The following NDFIP1 variants were observed in gnomAD, a reference collection of about 807,000 sequenced individuals.
The protein encoded by NDFIP1 is Nedd4 family interacting protein 1.
NDFIP1 carries 7 observed loss-of-function variants against 28.8 expected under a neutral mutation model. That is an observed-to-expected ratio of 0.24 (90% CI 0.14 to 0.46). The LOEUF (loss-of-function observed/expected upper bound fraction) is 0.46, where lower values mean the gene tolerates loss of function less well. Among genes scored for constraint, NDFIP1 ranks in the 20% least tolerant of loss-of-function variants. The pLI is 0.99. For missense variants in NDFIP1, 194 were observed against 269.1 expected (o/e 0.72, Z 1.95); for synonymous variants, 92 against 101.0 (o/e 0.91, Z 0.53).
chr5:142,129,899 G>A lies in NDFIP1; in HGVS notation c.64-1909G>A, dbSNP rs144981323. On this transcript the variant is annotated intron_variant, in intron 1 of 7. Transcript: ENST00000253814. The stretch of plus-strand genomic sequence containing the variant: ...GCTCTCCAGCCTGGGCAACAAAAGC[G>A]AAACTACATCTCAAAAAAAAAAAAA... 1.7e-3 allele frequency among the ~76,000 whole-genome samples: 133 copies of A among 80,142 alleles called. 1 individual carries two copies. The highest frequency in any genetic ancestry group is 0.014 in the East Asian group (42 of 3,064). The allele number at this position is 80,142 out of a possible 152,430, so 52.6% of individuals were successfully genotyped here. A position where few individuals can be genotyped will look rare whatever the true frequency, so the allele number is the denominator to read the frequency against.
chr5:142,119,170 A>G (rs1757098034), intron 1 of NDFIP1, among the ~76,000 whole-genome samples: 1 of 152,126 alleles, frequency 6.6e-6, no homozygotes, highest in African/African-American at 2.4e-5. Context: ...TCCACCTCTA[A>G]TTTGTTACCA....
At position 142,151,163 on chromosome 5, in the gene NDFIP1, A is replaced by G. The variant is rs886594658; in HGVS notation, c.*3-568A>G. On this transcript the variant is annotated intron_variant, in intron 7 of 7. Transcript: ENST00000253814. ...TATTATTTTAAGAGAAACATGCCCC[A>G]AATACAATGACTTTTTAGGAAAACT... 2.0e-5 allele frequency among the ~76,000 whole-genome samples: 3 copies of G among 152,228 alleles called. No individual in the cohort carries two copies. In the East Asian group the frequency reaches 5.8e-4, roughly 29 times the overall value.
At chr5:142,125,511 C>T (rs996036731) in intron 1 of NDFIP1, among the ~76,000 whole-genome samples, 12 of 152,018 alleles carry the variant, frequency 7.9e-5, no homozygotes, top group South Asian at 2.1e-4. Flanking sequence ...ACAGGTGTGC[C>T]GCCATGCCTG....
At chr5:142,109,172 G>T (rs1380827939) in intron 1 of NDFIP1, 135 bp downstream of exon 1, 2 of 783,698 alleles carry the variant, frequency 2.6e-6, no homozygotes. Context: ...GCCTGGAGGG[G>T]CGGGTCGGGC....
rs1757468943 is a variant in NDFIP1, at chr5:142,153,529, G to A, written c.*1801G>A. On this transcript the variant is annotated 3_prime_UTR_variant, in exon 8 of 8. Transcript: ENST00000253814. The stretch of plus-strand genomic sequence containing the variant: ...CTCTAACCAGTTTATGGATTATTAT[G>A]AATAATAGTGTAGTGTGTTCTTTTT... 2.5e-6 allele frequency: 1 copy of A among 398,316 alleles called. No individual in the cohort carries two copies. Among genetic ancestry groups the A allele is most frequent in the South Asian group, 1.8e-5 (1 of 54,122 alleles). 24.7% of individuals were successfully genotyped at this position (398,316 alleles called of 1,614,324 possible).
chr5:142,115,347 G>A (rs997738509), intron 1 of NDFIP1, among the ~76,000 whole-genome samples: 6 of 152,104 alleles, frequency 3.9e-5, no homozygotes, highest in African/African-American at 1.2e-4. Flanking sequence ...GCAATGGCGC[G>A]ATCTCGGCTC....
rs1241643137 is a variant in NDFIP1 at position 142,154,124 on chromosome 5, T to G, written c.*2396T>G. On this transcript the variant is annotated 3_prime_UTR_variant, in exon 8 of 8. Transcript: ENST00000253814. ...TTGTCATTTTTCTCTCCCATGTTCT[T>G]TCTCACTTTGATACGTTAATACTGA... 1 of 152,342 alleles carries G rather than the reference T, an allele frequency of 6.6e-6. No individual in the cohort carries two copies. Among genetic ancestry groups the G allele is most frequent in the Non-Finnish European group, 1.5e-5 (1 of 68,018 alleles). 9.4% of individuals were successfully genotyped at this position (152,342 alleles called of 1,614,324 possible).
intron 1 of NDFIP1, among the ~76,000 whole-genome samples, chr5:142,114,139 C>T (rs1757041762): frequency 1.3e-5 from 2 of 152,182 alleles, no homozygotes; most frequent in African/African-American, 2.4e-5. Flanking sequence ...TACTGTTTTC[C>T]ATGGCAGCTT....
chr5:142,144,774 TAGAG>T lies in NDFIP1; in HGVS notation c.*2+100_*2+103del, dbSNP rs368665634. 1.7e-4 allele frequency: 119 copies of T among 697,170 alleles called. 1 individual carries two copies. In the East Asian group the frequency reaches 2.0e-3, roughly 12 times the overall value. The allele number at this position is 697,170 out of a possible 1,614,324, so 43.2% of individuals were successfully genotyped here. A position where few individuals can be genotyped will look rare whatever the true frequency, so the allele number is the denominator to read the frequency against. On this transcript the variant is annotated intron_variant, in intron 7 of 7. Transcript: ENST00000253814. ...AGTAAGTATCTGTGATAGGGGCATA[TAGAG>T]AAAGTAAAGAAGGCACAGTCCCTGC...
At chr5:142,131,477 G>A (rs1757226250) in intron 1 of NDFIP1, among the ~76,000 whole-genome samples, 1 of 152,220 alleles carries the variant, frequency 6.6e-6, no homozygotes, top group South Asian at 2.1e-4. Context: ...GTTTTGCCAT[G>A]TTGGCCAGGA....
At chr5:142,132,418 G>A (rs1757236897) in intron 3 of NDFIP1, 76 bp downstream of exon 3, 12 of 1,524,484 alleles carry the variant, frequency 7.9e-6, no homozygotes, top group South Asian at 3.8e-5. Context: ...ATTTTGATTC[G>A]TTACTTATGA....
rs774492395 is a variant in NDFIP1 at position 142,131,892 on chromosome 5, G to A, written c.148G>A (p.Ala50Thr). ...TTACAGCAGCATTTCTGCAGAGAGC[G>A]CAGGTAGGTAACAGGGCAAGGTGAT... Reference protein sequence around the residue: ...PPYSSISAESAAYFDYKDESG... With the variant: ...PPYSSISAESTAYFDYKDESG... The change falls in exon 2 of 8, where the codon GCA becomes ACA. Residue 50 changes from alanine (A) to threonine (T), a missense_variant. Transcript: ENST00000253814. 2.6e-5 allele frequency: 41 copies of A among 1,593,866 alleles called. 1 individual carries two copies. The highest frequency in any genetic ancestry group is 5.5e-5 in the Admixed American group (3 of 54,382).
chr5:142,113,312 A>G (rs1757034223), intron 1 of NDFIP1, among the ~76,000 whole-genome samples: 1 of 152,238 alleles, frequency 6.6e-6, no homozygotes, highest in Non-Finnish European at 1.5e-5. Flanking sequence ...TGATAGGTCA[A>G]ACCATATTCA....
intron 1 of NDFIP1, among the ~76,000 whole-genome samples, chr5:142,112,652 G>A (rs533142622): frequency 2.0e-5 from 3 of 151,412 alleles, no homozygotes; most frequent in Non-Finnish European, 2.9e-5. Flanking sequence ...TTAGTTGGGC[G>A]TGGTGGCACG....
chr5:142,117,464 A>G (rs1757081014), intron 1 of NDFIP1, among the ~76,000 whole-genome samples: 2 of 151,124 alleles, frequency 1.3e-5, no homozygotes, highest in Non-Finnish European at 3.0e-5. Context: ...GATGGTCTCG[A>G]TCTCTTGACC....
intron 3 of NDFIP1, among the ~76,000 whole-genome samples, chr5:142,133,080 C>T (rs1159325640): frequency 2.0e-5 from 3 of 152,268 alleles, no homozygotes; most frequent in African/African-American, 4.8e-5. Flanking sequence ...TGAGCAAGTA[C>T]AGAAGCCTAG....
At chr5:142,120,742 C>T (rs1757115117) in intron 1 of NDFIP1, among the ~76,000 whole-genome samples, 1 of 152,324 alleles carries the variant, frequency 6.6e-6, no homozygotes, top group South Asian at 2.1e-4. Context: ...TGGCCTGACA[C>T]ATTTAATGAG....
chr5:142,125,029 T>C (rs1420132752), intron 1 of NDFIP1, among the ~76,000 whole-genome samples: 2 of 152,188 alleles, frequency 1.3e-5, no homozygotes, highest in African/African-American at 4.8e-5. Flanking sequence ...GGTTTCACCT[T>C]GTTAGCCAGG....
rs191365395 is a variant in NDFIP1, at chr5:142,132,144, G to A, written c.152-68G>A. 13 of 1,566,414 alleles carry A rather than the reference G, an allele frequency of 8.3e-6. No individual in the cohort carries two copies. The East Asian group carries it at 2.5e-4, about 30-fold the overall frequency. On this transcript the variant is annotated intron_variant, in intron 2 of 7. Coordinates refer to ENST00000253814, the MANE Select transcript of NDFIP1 (RefSeq NM_030571.4). ...GAATGGCTGGGTTTTGTCTGCTAGA[G>A]TTAGTGGAACTCCTTTTATTTCAAT...
Sources: gnomAD v4.1 joint callset for allele counts (sites outside exome capture counted in the v4.1 genomes callset) on GRCh38, gnomAD v4.1.1 for gene constraint, MANE v1.5 for transcripts, NCBI Gene and HGNC (gene_info 2026-07-23, HGNC 2026-07-21) for gene names.